Variants in DNAH2 observed in about 807,000 individuals in gnomAD.
DNAH2 encodes axonemal beta dynein heavy chain 2.
DNAH2 carries 323 observed loss-of-function variants against 523.5 expected under a neutral mutation model. The observed-to-expected ratio is 0.62, with a 90% CI of 0.56 to 0.68. The LOEUF (loss-of-function observed/expected upper bound fraction) is 0.68. Among genes scored for constraint, DNAH2 ranks in the 30% least tolerant of loss-of-function variants. The probability of loss-of-function intolerance (pLI) is 0.00; values close to 1 mark genes in which losing one functional copy is unlikely to be tolerated. For synonymous variants in DNAH2, 2,093 were observed against 2,177.4 expected (o/e 0.96, Z 1.08); for missense variants, 4,907 against 5,701.5 (o/e 0.86, Z 4.49).
intron 77 of DNAH2, among the ~76,000 whole-genome samples, chr17:7,826,155 G>C (rs1455922178): frequency 2.6e-5 from 4 of 152,206 alleles, no homozygotes; most frequent in African/African-American, 9.6e-5. Flanking sequence ...GAGTAGCTGG[G>C]ACTACAGGTG....
intron 8 of DNAH2, chr17:7,738,011 C>T (rs763802188): frequency 2.6e-5 from 18 of 703,056 alleles, no homozygotes; most frequent in East Asian, 8.0e-5. Flanking sequence ...CTCCCTGGAC[C>T]GGATCTTTGA....
chr17:7,791,903 CG>C lies in DNAH2; in HGVS notation c.6901-13del. The stretch of plus-strand genomic sequence containing the variant: ...TTACAGGTGGGTTATTTCCTCTTCT[CG>C]TTCTCCATCCAGGTGAACCCAGCTG... On this transcript the variant is annotated splice_polypyrimidine_tract_variant and intron_variant, in intron 44 of 85. Coordinates refer to ENST00000572933, the MANE Select transcript of DNAH2 (RefSeq NM_020877.5). 6.2e-7 allele frequency: 1 copy of C among 1,610,954 alleles called. No individual in the cohort carries two copies. Among genetic ancestry groups the C allele is most frequent in the Non-Finnish European group, 8.5e-7 (1 of 1,178,498 alleles).
intron 63 of DNAH2, among the ~76,000 whole-genome samples, chr17:7,815,177 T>C (rs9907759): frequency 0.4 from 60,925 of 152,096 alleles, 12,523 homozygotes; most frequent in Middle Eastern, 0.51. Context: ...AGTGCTTGGG[T>C]CAGGTAGTGC....
At chr17:7,826,333 T>C (rs2078017377) in intron 77 of DNAH2, among the ~76,000 whole-genome samples, 2 of 151,916 alleles carry the variant, frequency 1.3e-5, no homozygotes, top group Non-Finnish European at 1.5e-5. Context: ...CCAGCCTGAG[T>C]TTTACTTCAA....
Position 7,739,914 on chromosome 17 carries a change from C to A in DNAH2, c.1352C>A (p.Thr451Asn), listed in dbSNP as rs2151150390. 1 of 1,613,912 alleles carries A rather than the reference C, an allele frequency of 6.2e-7. No homozygotes were observed. Among genetic ancestry groups the A allele is most frequent in the Non-Finnish European group, 8.5e-7 (1 of 1,179,916 alleles). The change falls in exon 9 of 86, where the codon ACC (threonine) becomes AAC (asparagine). Residue 451 changes from threonine (T) to asparagine (N), a missense_variant. Transcript: ENST00000572933. ...GGGGGTATCCTGGATGTCAAGAACA[C>A]CTGTTGGCATGAAGACTACAATAAG... ...VRGGILDVKN[T>N]CWHEDYNKFR...
intron 10 of DNAH2, 21 bp from the exon 11 acceptor site, chr17:7,740,789 C>T: frequency 6.3e-7 from 1 of 1,592,460 alleles, no homozygotes; most frequent in Non-Finnish European, 8.6e-7. Flanking sequence ...ACGTCGCCAG[C>T]CTCTTCCTCT....
chr17:7,820,525 C>T (rs983169025), intron 72 of DNAH2, among the ~76,000 whole-genome samples: 3 of 152,154 alleles, frequency 2.0e-5, no homozygotes, highest in African/African-American at 7.2e-5. Flanking sequence ...GCTGTGATCT[C>T]TCTGCCTCTC....
In DNAH2 at chr17:7,778,139, G is replaced by A. The variant is rs1487882275; in HGVS notation, c.5310G>A (p.Leu1770=). 1 of 1,614,082 alleles carries A rather than the reference G, an allele frequency of 6.2e-7. No individual in the cohort carries two copies. Among genetic ancestry groups the A allele is most frequent in the Non-Finnish European group, 8.5e-7 (1 of 1,180,058 alleles). The change falls in exon 34 of 86, where the codon TTG becomes TTA. Residue 1770 remains leucine (L), a synonymous_variant. Transcript: ENST00000572933. The stretch of plus-strand genomic sequence containing the variant: ...AATTTCAGTATAATTATGAGTACTT[G>A]GGTAACTCGGGCCGGCTCGTCATCA... ...NTQFQYNYEY[L]GNSGRLVITP...
intron 44 of DNAH2, among the ~76,000 whole-genome samples, chr17:7,789,034 C>G (rs577072576): frequency 1.3e-5 from 2 of 152,080 alleles, no homozygotes; most frequent in South Asian, 2.1e-4. Flanking sequence ...TGTGGTGGCA[C>G]GTGCCTGTAG....
chr17:7,764,365 G>A lies in DNAH2; in HGVS notation c.3336+92G>A, dbSNP rs1054696677. The A allele has an allele frequency of 1.6e-5, 24 of 1,463,402 alleles. No individual in the cohort carries two copies. The African/African-American group carries it at 2.4e-4, about 15-fold the overall frequency. 90.7% of individuals were successfully genotyped at this position (1,463,402 alleles called of 1,614,324 possible). A position where few individuals can be genotyped will look rare whatever the true frequency, so the allele number is the denominator to read the frequency against. ...GGCTGTCCTCGGGGAGAGTAGAGAA[G>A]TGACAGCAGGAGGAGACTCTAGATT... On this transcript the variant is annotated intron_variant, in intron 20 of 85. Transcript: ENST00000572933.
intron 11 of DNAH2, among the ~76,000 whole-genome samples, chr17:7,741,300 T>TTCTC (rs1567625056): frequency 6.7e-5 from 3 of 44,862 alleles, no homozygotes; most frequent in African/African-American, 2.8e-4. Flanking sequence ...CTTTCTTCCT[T>TTCTC]CCTTCCCTCC....
In DNAH2 at chr17:7,831,303, C is replaced by T. The variant is rs764177337; in HGVS notation, c.12448C>T (p.Arg4150Trp). 6 of 1,613,832 alleles carry T rather than the reference C, an allele frequency of 3.7e-6. No homozygotes were observed. The highest frequency in any genetic ancestry group is 5.1e-6 in the Non-Finnish European group (6 of 1,180,006). The part of the protein sequence containing the change: ...ITPTRAGGQT[R>W]EEKVLELAAD... ...ACCCACCAGGGCTGGAGGCCAGACC[C>T]GGGAAGAGAAGGTAAAAAGAGCCGG... The change falls in exon 80 of 86, where the codon CGG becomes TGG. Residue 4150 changes from arginine (R) to tryptophan (W), a missense_variant. Coordinates refer to ENST00000572933, the MANE Select transcript of DNAH2 (RefSeq NM_020877.5). The surrounding 1 kb of genome is among the most constrained non-coding windows in gnomAD (Gnocchi z 4.2).
Position 7,787,855 on chromosome 17 carries a change from C to T in DNAH2, c.6604-5C>T, listed in dbSNP as rs778322436. The T allele has an allele frequency of 3.1e-6, 5 of 1,611,828 alleles. No homozygotes were observed. The highest frequency in any genetic ancestry group is 3.4e-6 in the Non-Finnish European group (4 of 1,178,982). On this transcript the variant is annotated splice_polypyrimidine_tract_variant and splice_region_variant and intron_variant, in intron 42 of 85. Transcript: ENST00000572933. ...GATGAAGTTCTGACAAACGTATATC[C>T]TTAGGTGTCTCTCCTGTTTGAAGTG... is the stretch of plus-strand genomic sequence containing the variant.
At chr17:7,761,601 C>T (rs2076007459) in intron 18 of DNAH2, among the ~76,000 whole-genome samples, 1 of 151,766 alleles carries the variant, frequency 6.6e-6, no homozygotes, top group Admixed American at 6.6e-5. Context: ...TCTCCTGCCT[C>T]AGCCTCCCGA....
chr17:7,763,926 T>C lies in DNAH2; in HGVS notation c.3074T>C (p.Val1025Ala). 2 of 1,614,198 alleles carry C rather than the reference T, an allele frequency of 1.2e-6. No homozygotes were observed. Among genetic ancestry groups the C allele is most frequent in the Non-Finnish European group, 1.7e-6 (2 of 1,180,034 alleles). Residue 1025 changes from valine to alanine, a missense_variant, in exon 19 of 86, where the codon GTG (valine) becomes GCG (alanine). Val to Ala is a moderately conservative substitution (Grantham distance 64). Coordinates refer to ENST00000572933, the MANE Select transcript of DNAH2 (RefSeq NM_020877.5). ...TGTTCGCACCTCAAGTTCTCCCTGGTGCAGCACTGCAATGAATGGCAGAAC... is the reference window on the plus strand; with the variant it reads ...TGTTCGCACCTCAAGTTCTCCCTGGCGCAGCACTGCAATGAATGGCAGAAC... Reference protein sequence around the residue: ...LDCSHLKFSLVQHCNEWQNKF... With the variant: ...LDCSHLKFSLAQHCNEWQNKF...
intron 11 of DNAH2, 70 bp from the exon 12 acceptor site, chr17:7,742,858 C>T (rs2075393433): frequency 1.7e-6 from 2 of 1,206,734 alleles, no homozygotes; most frequent in South Asian, 4.8e-5. Context: ...ATGTGTAGGT[C>T]TCAGGGAGAT....
chr17:7,749,350 A>AAAAAAAAAAAAAAAAATTTTCC (rs2075619753), intron 12 of DNAH2, among the ~76,000 whole-genome samples: 1 of 134,536 alleles, frequency 7.4e-6, no homozygotes, highest in South Asian at 2.3e-4. Flanking sequence ...AAAAAAAAAG[A>AAAAAAAAAAAAAAAAATTTTCC]AAGAAAAAAG....
intron 48 of DNAH2, among the ~76,000 whole-genome samples, chr17:7,794,037 C>T (rs2076995027): frequency 6.6e-6 from 1 of 152,152 alleles, no homozygotes; most frequent in Non-Finnish European, 1.5e-5. Context: ...CAAATGCATT[C>T]CTGGTACTAA....
Position 7,780,867 on chromosome 17 carries a change from T to C in DNAH2, c.6003+85T>C. 6.3e-7 allele frequency: 1 copy of C among 1,596,940 alleles called. No homozygotes were observed. The highest frequency in any genetic ancestry group is 8.5e-7 in the Non-Finnish European group (1 of 1,170,170). On this transcript the variant is annotated intron_variant, in intron 38 of 85. Coordinates refer to ENST00000572933, the MANE Select transcript of DNAH2 (RefSeq NM_020877.5). The surrounding 1 kb of genome is among the most constrained non-coding windows in gnomAD (Gnocchi z 4.4). ...CTCTCAAGTCTTTCAGACCCTTTCT[T>C]TCCTCAGATTGGGATTCTCACCTTC...
Sources: gnomAD v4.1 joint callset for allele counts (sites outside exome capture counted in the v4.1 genomes callset) on GRCh38, gnomAD v4.1.1 for gene constraint, Gnocchi (gnomAD v3.1) non-coding constraint, MANE v1.5 for transcripts, NCBI Gene and HGNC (gene_info 2026-07-23, HGNC 2026-07-21) for gene names.